DCC: variants seen among roughly 807,000 people sequenced by gnomAD.
DCC encodes netrin receptor DCC.
DCC carries 58 observed loss-of-function variants against 172.5 expected under a neutral mutation model. That is an observed-to-expected ratio of 0.34 (90% confidence interval 0.27 to 0.42). The LOEUF is 0.42. Among genes scored for constraint, DCC ranks in the 10% least tolerant of loss-of-function variants. The pLI, the probability that DCC is intolerant of heterozygous loss-of-function variation, is 1.00. For synonymous variants in DCC, 709 were observed against 644.5 expected, an observed-to-expected ratio of 1.10 and a Z score of -1.52; for missense variants, 1,740 against 1,791.0, an observed-to-expected ratio of 0.97 and a Z score of 0.51.
At chr18:53,065,288 T>C (rs956098464) in intron 6 of DCC, among the ~76,000 whole-genome samples, 1 of 152,208 alleles carries the variant, frequency 6.6e-6, no homozygotes, top group Non-Finnish European at 1.5e-5. Flanking sequence ...CACGTTTCAC[T>C]TACTTAACTA....
Position 52,752,148 on chromosome 18 carries a change from C to G in DCC, c.186C>G (p.Ser62=). 1 of 1,614,090 alleles carries G rather than the reference C, an allele frequency of 6.2e-7. No homozygotes were observed. The highest frequency in any genetic ancestry group is 8.5e-7 in the Non-Finnish European group (1 of 1,180,026). Residue 62 remains serine, a synonymous_variant, in exon 2 of 29, where the codon TCC becomes TCG. Coordinates refer to ENST00000442544, the MANE Select transcript of DCC (RefSeq NM_005215.4). ...GAGGAAATGTCCTCCTCGACTGCTC[C>G]GCGGAGTCCGACCGAGGAGTTCCAG... is the stretch of plus-strand genomic sequence containing the variant. ...MRGGNVLLDC[S]AESDRGVPVI... is the part of the protein sequence containing the mutation.
intron 1 of DCC, among the ~76,000 whole-genome samples, chr18:52,372,306 G>A (rs1985155500): frequency 6.6e-6 from 1 of 152,172 alleles, no homozygotes; most frequent in African/African-American, 2.4e-5. Context: ...GTTGGAAAGT[G>A]TCAGTTTGGG....
At chr18:53,047,486 T>TA (rs2042271047) in intron 5 of DCC, among the ~76,000 whole-genome samples, 2 of 78,434 alleles carry the variant, frequency 2.5e-5, no homozygotes, top group African/African-American at 5.4e-5. Flanking sequence ...TTGAGGAATC[T>TA]TTTTTTTATT....
At chr18:52,612,177 T>C (rs1036584391) in intron 1 of DCC, among the ~76,000 whole-genome samples, 4 of 152,130 alleles carry the variant, frequency 2.6e-5, no homozygotes, top group African/African-American at 7.2e-5. Context: ...AATTTGCTCT[T>C]ATCTTTGCAA....
At chr18:52,693,375 A>G (rs1302561657) in intron 1 of DCC, among the ~76,000 whole-genome samples, 1 of 147,830 alleles carries the variant, frequency 6.8e-6, no homozygotes, top group East Asian at 1.9e-4. Flanking sequence ...ATAACTATAT[A>G]TTGTATATAA....
At chr18:53,406,942 A>C (rs1811433796) in intron 19 of DCC, among the ~76,000 whole-genome samples, 1 of 152,092 alleles carries the variant, frequency 6.6e-6, no homozygotes, top group Admixed American at 6.6e-5. Flanking sequence ...TCTCCATCTC[A>C]GTTCTTAAAT....
At chr18:53,496,418 C>G (rs1281301284) in intron 26 of DCC, among the ~76,000 whole-genome samples, 1 of 151,574 alleles carries the variant, frequency 6.6e-6, no homozygotes, top group Non-Finnish European at 1.5e-5. Context: ...TCAACATCAA[C>G]AAAAAGGATG....
At chr18:52,833,019 T>G (rs2038644769) in intron 2 of DCC, among the ~76,000 whole-genome samples, 1 of 152,118 alleles carries the variant, frequency 6.6e-6, no homozygotes, top group African/African-American at 2.4e-5. Context: ...ATATATAACC[T>G]CTTGTTTAAT....
In DCC at chr18:52,448,332, C is replaced by G. The variant is rs148739441; in HGVS notation, c.91+107454C>G. 3.6e-3 allele frequency among the ~76,000 whole-genome samples: 546 copies of G among 152,192 alleles called. 5 individuals carry two copies. The highest frequency in any genetic ancestry group is 0.012 in the African/African-American group (513 of 41,500). ...TCTTCCACGAATTCGGTCCCTCATGCCAAAAAGGTCAGAGACTGCTGCTCT... is the reference window on the plus strand; with the variant it reads ...TCTTCCACGAATTCGGTCCCTCATGGCAAAAAGGTCAGAGACTGCTGCTCT... On this transcript the variant is annotated intron_variant, in intron 1 of 28. Transcript: ENST00000442544.
intron 4 of DCC, among the ~76,000 whole-genome samples, chr18:52,924,495 C>A (rs1225787697): frequency 2.0e-5 from 3 of 151,888 alleles, no homozygotes; most frequent in Non-Finnish European, 2.9e-5. Flanking sequence ...ACTTGGCTGG[C>A]TTTGAATTGC....
intron 1 of DCC, among the ~76,000 whole-genome samples, chr18:52,499,679 T>C (rs2030945013): frequency 6.6e-6 from 1 of 152,192 alleles, no homozygotes; most frequent in Admixed American, 6.6e-5. Flanking sequence ...ATCTTAAATA[T>C]GAGGTCACTG....
intron 2 of DCC, among the ~76,000 whole-genome samples, chr18:52,806,834 C>G (rs1352360929): frequency 3.3e-5 from 5 of 152,078 alleles, no homozygotes; most frequent in Non-Finnish European, 1.5e-5. Flanking sequence ...CATCTTGGAT[C>G]CTACCAGTCT....
At chr18:52,488,370 G>A (rs899413085) in intron 1 of DCC, among the ~76,000 whole-genome samples, 10 of 152,100 alleles carry the variant, frequency 6.6e-5, no homozygotes, top group Admixed American at 2.0e-4. Context: ...TGGAAACAAC[G>A]TAACTGGGTT....
intron 17 of DCC, among the ~76,000 whole-genome samples, chr18:53,396,982 G>A (rs1908990370): frequency 6.6e-6 from 1 of 151,564 alleles, no homozygotes; most frequent in African/African-American, 2.4e-5. Flanking sequence ...ATTTATAAGA[G>A]GCATAGTCTC....
At chr18:53,230,631 T>C (rs1421109104) in intron 12 of DCC, among the ~76,000 whole-genome samples, 1 of 152,042 alleles carries the variant, frequency 6.6e-6, no homozygotes, top group Non-Finnish European at 1.5e-5. Flanking sequence ...CAAAGTAAGG[T>C]GTCTAAATTG....
At chr18:52,767,091 T>C (rs1302020023) in intron 2 of DCC, among the ~76,000 whole-genome samples, 2 of 151,654 alleles carry the variant, frequency 1.3e-5, no homozygotes, top group Admixed American at 1.3e-4. Flanking sequence ...AAGTTTGTTC[T>C]TCCCCATCTA....
intron 1 of DCC, among the ~76,000 whole-genome samples, chr18:52,382,534 C>A (rs994582479): frequency 6.6e-6 from 1 of 152,032 alleles, no homozygotes; most frequent in Non-Finnish European, 1.5e-5. Flanking sequence ...GTCAGAGAGA[C>A]TATTTGTGGA....
chr18:52,398,049 T>C (rs1986296624), intron 1 of DCC, among the ~76,000 whole-genome samples: 1 of 152,014 alleles, frequency 6.6e-6, no homozygotes, highest in South Asian at 2.1e-4. Context: ...GTTTCCTTTC[T>C]GAGCAGTAGC....
At chr18:53,461,523 A>G (rs911084522) in intron 24 of DCC, among the ~76,000 whole-genome samples, 1 of 152,108 alleles carries the variant, frequency 6.6e-6, no homozygotes, top group Non-Finnish European at 1.5e-5. Flanking sequence ...TCCCAGCACC[A>G]TTTATTAAAT....
Sources: allele counts gnomAD v4.1 joint callset (sites outside exome capture counted in the v4.1 genomes callset), GRCh38; gene constraint gnomAD v4.1.1; transcripts MANE v1.5; gene names NCBI Gene and HGNC (gene_info 2026-07-23, HGNC 2026-07-21).